Variants in EIF2D observed in about 807,000 individuals in gnomAD.
The protein encoded by EIF2D is eukaryotic translation initiation factor 2D, also known as hepatocellular carcinoma-associated antigen 56.
A neutral mutation model predicts 77.4 loss-of-function variants in EIF2D; 56 were observed. That is an observed-to-expected ratio of 0.72 (90% CI 0.58 to 0.90). EIF2D has a LOEUF of 0.90. Ranked by LOEUF, EIF2D falls within the 40% of genes least tolerant of loss-of-function variation. EIF2D has a pLI of 0.00. For synonymous variants in EIF2D, 230 were observed against 271.0 expected, an observed-to-expected ratio of 0.85 and a Z score of 1.49; for missense variants, 574 against 706.5, an observed-to-expected ratio of 0.81 and a Z score of 2.13.
At chr1:206,570,309 G>A (rs1247939262), downstream of EIF2D, among the ~76,000 whole-genome samples, 1 of 151,824 alleles carries the variant, frequency 6.6e-6, no homozygotes, top group Non-Finnish European at 1.5e-5. Context: ...GGTCAGGATG[G>A]TCTCAGACTC....
chr1:206,603,123 A>C lies in EIF2D; in HGVS notation c.612T>G (p.Ser204=). ...CCTGCAGGGTGGAGTCCATCTGGAC[A>C]GACCCCTTCTCTTCACTGAGATCTG... The part of the protein sequence containing the change: ...DSADLSEEKG[S]VQMDSTLQGD... The change falls in exon 6 of 15, where the codon TCT becomes TCG. Residue 204 remains serine, a synonymous_variant. Coordinates refer to ENST00000271764, the MANE Select transcript of EIF2D (RefSeq NM_006893.3). 1 of 1,614,160 alleles carries C rather than the reference A, an allele frequency of 6.2e-7. No individual in the cohort carries two copies. The highest frequency in any genetic ancestry group is 8.5e-7 in the Non-Finnish European group (1 of 1,180,030).
chr1:206,584,863 C>T lies in EIF2D; in HGVS notation c.139-3701G>A, dbSNP rs1279487258. 6.0e-6 allele frequency: 4 copies of T among 664,372 alleles called. No individual in the cohort carries two copies. The African/African-American group carries it at 7.3e-5, about 12-fold the overall frequency. 41.2% of individuals were successfully genotyped at this position (664,372 alleles called of 1,614,324 possible). ...CGGGCAGGGAGGCAAGAGCAGAGTC[C>T]CTGACTCTGCATGTGACTTCAGGAA... On this transcript the variant is annotated intron_variant and NMD_transcript_variant, in intron 2 of 5. Transcript: ENST00000472709. The surrounding 1 kb of genome is among the most constrained non-coding windows in gnomAD (Gnocchi z 4.9).
Position 206,585,161 on chromosome 1 carries a change from A to C in EIF2D, c.139-3999T>G, listed in dbSNP as rs59679417. On this transcript the variant is annotated intron_variant and NMD_transcript_variant, in intron 2 of 5. Coordinates refer to the EIF2D transcript ENST00000472709. ...TTCTTTTCTGGGAAGAGCTCCCAGCACCCTCTCTTGGTTTGCAGTGCTCTT... is the reference window on the plus strand; with the variant it reads ...TTCTTTTCTGGGAAGAGCTCCCAGCCCCCTCTCTTGGTTTGCAGTGCTCTT... 2.0e-3 allele frequency: 3,210 copies of C among 1,593,522 alleles called. 52 individuals are homozygous for C. In the African/African-American group the frequency reaches 0.036, roughly 18 times the overall value.
chr1:206,599,025 G>A lies in EIF2D; in HGVS notation c.1270C>T (p.Leu424=), dbSNP rs1332925488. ...IVINYAKKND[L]VDADNKNLVR... ...CACTTTTTGTTGTCTGCATCAACCA[G>A]GTCATTTTTCTTGGCGTAGTTAATG... The change falls in exon 11 of 15, where the codon CTG becomes TTG. Residue 424 remains leucine (L), a synonymous_variant. Transcript: ENST00000271764. The surrounding 1 kb of genome is among the most constrained non-coding windows in gnomAD (Gnocchi z 4.1). The A allele has an allele frequency of 6.2e-7, 1 of 1,614,002 alleles. No homozygotes were observed. Among genetic ancestry groups the A allele is most frequent in the Non-Finnish European group, 8.5e-7 (1 of 1,180,012 alleles).
chr1:206,606,375 C>T (rs986307773), intron 4 of EIF2D, among the ~76,000 whole-genome samples: 1 of 152,172 alleles, frequency 6.6e-6, no homozygotes, highest in African/African-American at 2.4e-5. Context: ...CTCATCTACC[C>T]CTGAAAGGTC....
At chr1:206,605,674 C>T (rs80043056) in intron 4 of EIF2D, among the ~76,000 whole-genome samples, 167 bp from the exon 5 acceptor site, 5,310 of 152,236 alleles carry the variant, frequency 0.035, 193 homozygotes, top group African/African-American at 0.093. Flanking sequence ...AGATTATGTA[C>T]AAATATTACT....
In EIF2D at chr1:206,584,413, C is replaced by T; in HGVS notation, c.139-3251G>A. 6.2e-7 allele frequency: 1 copy of T among 1,613,856 alleles called. No individual in the cohort carries two copies. Among genetic ancestry groups the T allele is most frequent in the Non-Finnish European group, 8.5e-7 (1 of 1,179,822 alleles). On this transcript the variant is annotated intron_variant and NMD_transcript_variant, in intron 2 of 5. Transcript: ENST00000472709. The surrounding 1 kb of genome is among the most constrained non-coding windows in gnomAD (Gnocchi z 4.9). ...GTGAAGACGGCACCTACACGGGTTT[C>T]ATCAAAGTGCATCTGAAACTCCGGC...
intron 2 of EIF2D, among the ~76,000 whole-genome samples, chr1:206,610,360 A>T (rs2102308495): frequency 6.6e-6 from 1 of 152,186 alleles, no homozygotes; most frequent in Admixed American, 6.5e-5. Context: ...CTCTACCAAA[A>T]ATTTTAAACG....
chr1:206,583,503 CCA>C, intron 2 of EIF2D: 1 of 694,568 alleles, frequency 1.4e-6, no homozygotes, highest in Non-Finnish European at 2.6e-6. Flanking sequence ...CCTCCGGCCT[CCA>C]GAGGCCTCCG....
At chr1:206,569,221 C>A (rs1341285041), downstream of EIF2D, among the ~76,000 whole-genome samples, 1 of 152,198 alleles carries the variant, frequency 6.6e-6, no homozygotes, top group Admixed American at 6.5e-5. Context: ...AGACCCAAGC[C>A]CCAGTGGGGT....
At position 206,599,239 on chromosome 1, in the gene EIF2D, T is replaced by C. The variant is rs1243529566; in HGVS notation, c.1203-147A>G. The stretch of plus-strand genomic sequence containing the variant: ...TCCCTTTTCCTGACTGAAGTGAGCA[T>C]GACCATGTGAAGAATAATTACACGC... On this transcript the variant is annotated intron_variant, in intron 10 of 14. Transcript: ENST00000271764. This position sits in a 1 kb window ranked among gnomAD's most constrained non-coding sequence, Gnocchi z 4.1. The C allele has an allele frequency of 7.9e-6, 7 of 884,036 alleles. No homozygotes were observed. Among genetic ancestry groups the C allele is most frequent in the Admixed American group, 5.3e-5 (2 of 37,918 alleles). 54.8% of individuals were successfully genotyped at this position (884,036 alleles called of 1,614,324 possible).
chr1:206,582,796 C>T (rs1045140627), intron 2 of EIF2D, among the ~76,000 whole-genome samples: 3 of 152,230 alleles, frequency 2.0e-5, no homozygotes, highest in Admixed American at 1.3e-4. Flanking sequence ...TATACTGGCA[C>T]CATGGGTAGA....
chr1:206,587,260 CAAATAGTT>C, downstream of EIF2D: 2 of 400,220 alleles, frequency 5.0e-6, no homozygotes, highest in South Asian at 2.2e-5. Flanking sequence ...TTTCACCAAC[CAAATAGTT>C]GCCTCTCTCG....
chr1:206,578,961 G>A (rs1373278072), intron 4 of EIF2D, among the ~76,000 whole-genome samples: 1 of 152,188 alleles, frequency 6.6e-6, no homozygotes, highest in African/African-American at 2.4e-5. Flanking sequence ...TTAGGCCCCA[G>A]ACGAAAGGGG....
Position 206,593,719 on chromosome 1 carries a change from G to C in EIF2D, c.1584C>G (p.Cys528Trp). The C allele has an allele frequency of 1.2e-6, 2 of 1,613,826 alleles. No individual in the cohort carries two copies. Among genetic ancestry groups the C allele is most frequent in the Non-Finnish European group, 1.7e-6 (2 of 1,179,938 alleles). ...YSVAAILQQR[C>W]QASTTVNPAP... Reference sequence around the variant, plus strand: ...CAGGATTGACGGTGGTGCTAGCCTGGCATCGCTGCTGAAGGATGGCAGCCA... The same window carrying C: ...CAGGATTGACGGTGGTGCTAGCCTGCCATCGCTGCTGAAGGATGGCAGCCA... The change falls in exon 14 of 15, where the codon TGC (cysteine) becomes TGG (tryptophan). Residue 528 changes from cysteine (C) to tryptophan (W), a missense_variant. Coordinates refer to ENST00000271764, the MANE Select transcript of EIF2D (RefSeq NM_006893.3).
At position 206,612,265 on chromosome 1, in the gene EIF2D, G is replaced by A. The variant is rs972231079; in HGVS notation, c.56+22C>T. ...AGGTGTCTGGTTGTTCCGTGGCAGA[G>A]CAGGCCCCTTTCCTCCCTCACCTGT... is the stretch of plus-strand genomic sequence containing the variant. On this transcript the variant is annotated intron_variant, in intron 1 of 14. Transcript: ENST00000271764. 6 of 1,614,098 alleles carry A rather than the reference G, an allele frequency of 3.7e-6. No homozygotes were observed. In the African/African-American group the frequency reaches 6.7e-5, roughly 18 times the overall value.
At chr1:206,591,095 C>A (rs1183596514), downstream of EIF2D, among the ~76,000 whole-genome samples, 25 of 152,128 alleles carry the variant, frequency 1.6e-4, no homozygotes, top group Non-Finnish European at 2.8e-4. Context: ...ATGACCTCCA[C>A]GTTAAGAAGT....
chr1:206,605,361 C>A, intron 5 of EIF2D, 39 bp downstream of exon 5: 1 of 1,557,748 alleles, frequency 6.4e-7, no homozygotes, highest in Non-Finnish European at 8.8e-7. Context: ...TCCCCAGCTG[C>A]CCCGGTTCTC....
rs1406463055 is a variant in EIF2D, at chr1:206,602,484, C to A, written c.785-31G>T. The A allele has an allele frequency of 2.5e-6, 4 of 1,585,096 alleles. No individual in the cohort carries two copies. In the African/African-American group the frequency reaches 5.4e-5, roughly 21 times the overall value. ...GGGAAAAGACAAGAGCCACATCCTT[C>A]CTGAGGGATACAGAACACCTGGTAC... On this transcript the variant is annotated intron_variant, in intron 6 of 14. Coordinates refer to ENST00000271764, the MANE Select transcript of EIF2D (RefSeq NM_006893.3).
Sources: allele counts gnomAD v4.1 joint callset (sites outside exome capture counted in the v4.1 genomes callset), GRCh38; gene constraint gnomAD v4.1.1; non-coding constraint Gnocchi (gnomAD v3.1); transcripts MANE v1.5; gene names NCBI Gene and HGNC (gene_info 2026-07-23, HGNC 2026-07-21).